QKI: variants seen among roughly 807,000 people sequenced by gnomAD.
QKI encodes the protein QKI, KH domain containing RNA binding.
Under a neutral mutation model 39.0 loss-of-function variants are expected in QKI, and 10 were observed. The ratio of observed to expected loss-of-function variants is 0.26; its 90% CI spans 0.16 to 0.43. The LOEUF (loss-of-function observed/expected upper bound fraction) is 0.43, where lower values mean the gene tolerates loss of function less well. QKI is among the 20% of genes least tolerant of loss of function. The pLI is 1.00. For synonymous variants in QKI, 204 were observed against 155.4 expected, an observed-to-expected ratio of 1.31 and a Z score of -2.33; for missense variants, 218 against 428.0, an observed-to-expected ratio of 0.51 and a Z score of 4.33.
At chr6:163,437,292 A>C (rs1193234532) in intron 1 of QKI, among the ~76,000 whole-genome samples, 1 of 152,232 alleles carries the variant, frequency 6.6e-6, no homozygotes, top group Admixed American at 6.5e-5. Flanking sequence ...AAATGATACA[A>C]GTGATGTATG....
chr6:163,464,633 T>C (rs772718978), intron 2 of QKI, among the ~76,000 whole-genome samples: 7 of 151,972 alleles, frequency 4.6e-5, no homozygotes, highest in Non-Finnish European at 8.8e-5. Flanking sequence ...CAGGACCACA[T>C]CATGAAGGAA....
chr6:163,462,909 G>T lies in QKI; in HGVS notation c.285+7488G>T, dbSNP rs1791454106. On this transcript the variant is annotated intron_variant, in intron 2 of 7. Transcript: ENST00000361752. Reference sequence around the variant, plus strand: ...TTTACATGTGAAGGCTAAGAATGAGGGAAGGGCCTTGCTGGTATTGCCATT... The same window carrying T: ...TTTACATGTGAAGGCTAAGAATGAGTGAAGGGCCTTGCTGGTATTGCCATT... Among the ~76,000 whole-genome samples, 3 of 152,258 alleles carry T rather than the reference G, an allele frequency of 2.0e-5. No homozygotes were observed. In the South Asian group the frequency reaches 6.2e-4, roughly 32 times the overall value.
intron 1 of QKI, among the ~76,000 whole-genome samples, chr6:163,436,831 G>C (rs961071332): frequency 7.0e-6 from 1 of 143,166 alleles, no homozygotes; most frequent in African/African-American, 2.5e-5. Context: ...AGAAATAGAA[G>C]TATTCCTTTT....
chr6:163,444,993 C>T (rs1479581122), intron 1 of QKI, among the ~76,000 whole-genome samples: 1 of 152,144 alleles, frequency 6.6e-6, no homozygotes, highest in Non-Finnish European at 1.5e-5. Context: ...ACTGCAGCCT[C>T]TACTTCCTGG....
chr6:163,547,912 A>G (rs9458856), intron 4 of QKI, among the ~76,000 whole-genome samples: 6,140 of 152,228 alleles, frequency 0.04, 134 homozygotes, highest in African/African-American at 0.063. Context: ...GTGACTTTCT[A>G]TCACCCCATG....
intron 1 of QKI, among the ~76,000 whole-genome samples, chr6:163,450,757 C>A (rs1021397198): frequency 2.0e-5 from 3 of 151,518 alleles, no homozygotes; most frequent in Non-Finnish European, 4.4e-5. Flanking sequence ...AAAGTAAATT[C>A]AAAAAATTGT....
intron 7 of QKI, chr6:163,569,776 A>T (rs1219100122): frequency 1.3e-5 from 13 of 991,620 alleles, no homozygotes; most frequent in Non-Finnish European, 1.6e-5. Flanking sequence ...TTGTATTTGC[A>T]GAGTATTAGC....
chr6:163,569,466 A>T, intron 7 of QKI: 1 of 1,280,068 alleles, frequency 7.8e-7, no homozygotes, highest in South Asian at 1.3e-5. Context: ...AGAAAATTCT[A>T]TCAAACCTCA....
intron 4 of QKI, among the ~76,000 whole-genome samples, chr6:163,558,472 T>A (rs1782787184): frequency 6.6e-6 from 1 of 150,648 alleles, no homozygotes; most frequent in Admixed American, 6.7e-5. Context: ...CGATGTCGAC[T>A]CACTGCAACC....
At chr6:163,551,236 T>A (rs1228322870) in intron 4 of QKI, among the ~76,000 whole-genome samples, 2 of 152,150 alleles carry the variant, frequency 1.3e-5, no homozygotes, top group Non-Finnish European at 2.9e-5. Flanking sequence ...AGCCAGTCAG[T>A]TCTGACACCA....
intron 7 of QKI, chr6:163,568,113 C>T (rs1000539050): frequency 1.6e-5 from 16 of 985,202 alleles, no homozygotes; most frequent in South Asian, 4.7e-5. Context: ...TGTATGAGCA[C>T]GTCTCATAGG....
intron 1 of QKI, among the ~76,000 whole-genome samples, chr6:163,421,600 A>G (rs1475027980): frequency 1.3e-5 from 2 of 152,242 alleles, no homozygotes; most frequent in African/African-American, 4.8e-5. Flanking sequence ...AAAGCTGAGT[A>G]TAATCATATG....
chr6:163,537,871 T>C (rs78229802), intron 4 of QKI, among the ~76,000 whole-genome samples: 76 of 152,344 alleles, frequency 5.0e-4, no homozygotes, highest in Non-Finnish European at 9.4e-4. Context: ...TATTGTTACC[T>C]TTCCCTGCTT....
intron 3 of QKI, among the ~76,000 whole-genome samples, chr6:163,534,363 A>C (rs1032958300): frequency 1.3e-5 from 2 of 152,244 alleles, no homozygotes; most frequent in African/African-American, 4.8e-5. Flanking sequence ...ACCGCATGAA[A>C]TACTTAAAAC....
chr6:163,479,606 G>A (rs576997811), intron 3 of QKI, among the ~76,000 whole-genome samples: 5 of 152,252 alleles, frequency 3.3e-5, no homozygotes, highest in African/African-American at 9.6e-5. Flanking sequence ...TCCTGACCTC[G>A]TGATCCACCC....
chr6:163,557,044 A>G (rs1264768814), intron 4 of QKI, among the ~76,000 whole-genome samples: 1 of 152,216 alleles, frequency 6.6e-6, no homozygotes, highest in African/African-American at 2.4e-5. Flanking sequence ...GAGAATTTTC[A>G]GAGTGGCTCT....
At chr6:163,497,331 T>C (rs991547213) in intron 3 of QKI, among the ~76,000 whole-genome samples, 2 of 152,178 alleles carry the variant, frequency 1.3e-5, no homozygotes, top group African/African-American at 2.4e-5. Context: ...AATTTCGCTC[T>C]TTATCAATTA....
At chr6:163,503,089 C>A (rs1778872407) in intron 3 of QKI, among the ~76,000 whole-genome samples, 1 of 149,836 alleles carries the variant, frequency 6.7e-6, no homozygotes, top group Middle Eastern at 3.2e-3. Context: ...TTGCATTTCT[C>A]TGATGATAGT....
chr6:163,564,176 G>T, intron 6 of QKI: 2 of 1,020,032 alleles, frequency 2.0e-6, no homozygotes, highest in Non-Finnish European at 2.3e-6. Flanking sequence ...TATTGTGTGT[G>T]TTTTGTAATA....
Sources: gnomAD v4.1 joint callset for allele counts (sites outside exome capture counted in the v4.1 genomes callset) on GRCh38, gnomAD v4.1.1 for gene constraint, MANE v1.5 for transcripts, NCBI Gene and HGNC (gene_info 2026-07-23, HGNC 2026-07-21) for gene names.